The following TOX variants were observed in gnomAD, a reference collection of about 807,000 sequenced individuals.
TOX encodes thymocyte selection-associated high mobility group box protein TOX.
Under a neutral mutation model 53.7 loss-of-function variants are expected in TOX, and 11 were observed. The ratio of observed to expected loss-of-function variants is 0.20; its 90% CI spans 0.13 to 0.34. The LOEUF (loss-of-function observed/expected upper bound fraction) is 0.34, where lower values mean the gene tolerates loss of function less well. Among genes scored for constraint, TOX ranks in the 10% least tolerant of loss-of-function variants. TOX has a pLI of 1.00. For missense variants in TOX, 570 were observed against 664.6 expected (o/e 0.86, Z 1.56); for synonymous variants, 225 against 245.3 (o/e 0.92, Z 0.77).
intron 1 of TOX, among the ~76,000 whole-genome samples, chr8:58,980,279 A>G (rs1053523953): frequency 6.6e-6 from 1 of 152,158 alleles, no homozygotes; most frequent in Admixed American, 6.5e-5. Context: ...CTCCCACTGT[A>G]TGGACTGTTC....
chr8:59,063,549 G>T (rs113827449), intron 1 of TOX, among the ~76,000 whole-genome samples: 1 of 148,754 alleles, frequency 6.7e-6, no homozygotes, highest in South Asian at 2.2e-4. Context: ...TCAGCCTCCC[G>T]AGTAGCTGGA....
In TOX at chr8:59,118,890, T is replaced by C. The variant is rs1422779457; in HGVS notation, c.98A>G (p.Asn33Ser). The stretch of plus-strand genomic sequence containing the variant: ...AAACAAAAGCAGAGCGTTCACCTTG[T>C]TGCAATAGTAGGGGTCCAGGCAGGG... ...PSPCLDPYYC[N>S]KFDGENMYMS... The change falls in exon 1 of 9, where the codon AAC (asparagine) becomes AGC (serine). Residue 33 changes from asparagine (N) to serine (S), a missense_variant. Transcript: ENST00000361421. This position sits in a 1 kb window ranked among gnomAD's most constrained non-coding sequence, Gnocchi z 4.1. 6.3e-7 allele frequency: 1 copy of C among 1,585,704 alleles called. No individual in the cohort carries two copies. The highest frequency in any genetic ancestry group is 8.6e-7 in the Non-Finnish European group (1 of 1,165,648).
intron 3 of TOX, among the ~76,000 whole-genome samples, chr8:58,861,675 C>T (rs571981809): frequency 5.1e-4 from 78 of 152,228 alleles, no homozygotes; most frequent in Non-Finnish European, 9.6e-4. Context: ...GGAGACATGC[C>T]GTCTGGGAGT....
rs1319861354 is a variant in TOX, at chr8:58,840,521, A to C, written c.694-2210T>G. On this transcript the variant is annotated intron_variant, in intron 4 of 8. Transcript: ENST00000361421. ...GGCTGCACATTAGAGTCACCTGGTC[A>C]GCTTTTAATACCCTGATGTCCAAGT... 3.3e-5 allele frequency among the ~76,000 whole-genome samples: 5 copies of C among 152,316 alleles called. No individual in the cohort carries two copies. The East Asian group carries it at 5.8e-4, about 18-fold the overall frequency.
At chr8:59,044,354 G>A (rs2129420936) in intron 1 of TOX, among the ~76,000 whole-genome samples, 1 of 152,128 alleles carries the variant, frequency 6.6e-6, no homozygotes, top group African/African-American at 2.4e-5. Flanking sequence ...ACATTTGGCA[G>A]AGGTGAAAGT....
At chr8:59,100,529 C>T (rs1469837963) in intron 1 of TOX, among the ~76,000 whole-genome samples, 2 of 152,112 alleles carry the variant, frequency 1.3e-5, no homozygotes, top group African/African-American at 4.8e-5. Flanking sequence ...AGTATAATTG[C>T]AGTCTGGTTC....
chr8:59,062,958 T>C (rs1480855114), intron 1 of TOX, among the ~76,000 whole-genome samples: 1 of 152,228 alleles, frequency 6.6e-6, no homozygotes, highest in Admixed American at 6.5e-5. Flanking sequence ...GAGGTAAAAC[T>C]GTAAGAATCT....
chr8:58,997,477 C>G (rs1813582247), intron 1 of TOX, among the ~76,000 whole-genome samples: 1 of 152,174 alleles, frequency 6.6e-6, no homozygotes, highest in Non-Finnish European at 1.5e-5. Flanking sequence ...GGCCTCAAGG[C>G]TTCAGAGCCA....
chr8:58,956,030 C>T (rs1469181899), intron 2 of TOX, among the ~76,000 whole-genome samples: 2 of 151,928 alleles, frequency 1.3e-5, no homozygotes, highest in African/African-American at 2.4e-5. Flanking sequence ...CAACCACGCC[C>T]GGCAGAAGAG....
chr8:58,862,511 C>A (rs1337222139), intron 3 of TOX, among the ~76,000 whole-genome samples: 2 of 152,082 alleles, frequency 1.3e-5, no homozygotes, highest in Non-Finnish European at 2.9e-5. Flanking sequence ...TTTAAAACAA[C>A]AGCCAATAAA....
intron 3 of TOX, among the ~76,000 whole-genome samples, chr8:58,896,591 C>T (rs1040510526): frequency 6.6e-6 from 1 of 152,130 alleles, no homozygotes; most frequent in African/African-American, 2.4e-5. Context: ...AGGGGAATCG[C>T]TTGAACCAGG....
intron 1 of TOX, among the ~76,000 whole-genome samples, chr8:59,025,888 T>C (rs953213780): frequency 9.2e-5 from 14 of 152,174 alleles, no homozygotes; most frequent in African/African-American, 3.1e-4. Flanking sequence ...TCACTCTGAT[T>C]CTACCTCCAG....
At chr8:58,938,646 C>G (rs1812386320) in intron 3 of TOX, among the ~76,000 whole-genome samples, 1 of 152,118 alleles carries the variant, frequency 6.6e-6, no homozygotes, top group Non-Finnish European at 1.5e-5. Context: ...CCACTGGACT[C>G]CCTGGGTAGA....
chr8:59,042,925 CAT>C (rs1214787146), intron 1 of TOX, among the ~76,000 whole-genome samples: 2 of 133,876 alleles, frequency 1.5e-5, no homozygotes, highest in Non-Finnish European at 3.6e-5. Flanking sequence ...AGTCACCTCA[CAT>C]AGCATTTTTC....
intron 3 of TOX, among the ~76,000 whole-genome samples, chr8:58,869,626 C>T (rs1424560516): frequency 6.6e-6 from 1 of 151,970 alleles, no homozygotes; most frequent in African/African-American, 2.4e-5. Flanking sequence ...AAATGCAAAA[C>T]TCCTCAACAA....
chr8:58,920,746 G>GAAAA (rs1164471853), intron 3 of TOX, among the ~76,000 whole-genome samples: 1 of 43,218 alleles, frequency 2.3e-5, no homozygotes, highest in Non-Finnish European at 5.2e-5. Context: ...AGAAAAAAAA[G>GAAAA]AAGAAAAAAA....
chr8:59,017,344 T>C (rs1215314940), intron 1 of TOX, among the ~76,000 whole-genome samples: 1 of 152,230 alleles, frequency 6.6e-6, no homozygotes, highest in Non-Finnish European at 1.5e-5. Flanking sequence ...TAAATGGCAT[T>C]GTGCATCAGA....
At chr8:59,074,306 G>T (rs1441958813) in intron 1 of TOX, among the ~76,000 whole-genome samples, 3 of 152,246 alleles carry the variant, frequency 2.0e-5, no homozygotes, top group South Asian at 4.2e-4. Flanking sequence ...AAATACATTT[G>T]CATTTCTCAG....
intron 4 of TOX, among the ~76,000 whole-genome samples, chr8:58,847,234 C>T (rs976981471): frequency 1.3e-5 from 2 of 152,010 alleles, no homozygotes; most frequent in Non-Finnish European, 2.9e-5. Flanking sequence ...CATATTCTGA[C>T]TTCAAAATAC....
Sources: allele counts gnomAD v4.1 joint callset (sites outside exome capture counted in the v4.1 genomes callset), GRCh38; gene constraint gnomAD v4.1.1; non-coding constraint Gnocchi (gnomAD v3.1); transcripts MANE v1.5; gene names NCBI Gene and HGNC (gene_info 2026-07-23, HGNC 2026-07-21).